The following HSDL2 variants were observed in gnomAD, a reference collection of about 807,000 sequenced individuals.
The protein encoded by HSDL2 is hydroxysteroid dehydrogenase like 2, also known as hydroxysteroid dehydrogenase-like protein 2.
A neutral mutation model predicts 46.3 loss-of-function variants in HSDL2; 27 were observed. The ratio of observed to expected loss-of-function variants is 0.58; its 90% confidence interval spans 0.43 to 0.80. The LOEUF (loss-of-function observed/expected upper bound fraction) is 0.80, where lower values mean the gene tolerates loss of function less well. Among genes scored for constraint, HSDL2 ranks in the 30% least tolerant of loss-of-function variants. The probability of loss-of-function intolerance (pLI) is 0.00; values close to 1 mark genes in which losing one functional copy is unlikely to be tolerated. For missense variants in HSDL2, 451 were observed against 502.7 expected (o/e 0.90, Z 0.98); for synonymous variants, 153 against 163.6 (o/e 0.94, Z 0.50).
chr9:112,405,894 C>A (rs1831715023), intron 3 of HSDL2, among the ~76,000 whole-genome samples, 172 bp downstream of exon 3: 1 of 152,158 alleles, frequency 6.6e-6, no homozygotes, highest in Non-Finnish European at 1.5e-5. Flanking sequence ...GGCGTGGTGG[C>A]TCACACCTGT....
intron 1 of HSDL2, among the ~76,000 whole-genome samples, chr9:112,387,029 C>A (rs902368597): frequency 1.3e-4 from 20 of 152,026 alleles, no homozygotes; most frequent in Admixed American, 1.3e-3. Flanking sequence ...TTTGATCAGG[C>A]CAACCATAAG....
At chr9:112,385,109 C>CTCA (rs1554707663) in intron 1 of HSDL2, among the ~76,000 whole-genome samples, 7 of 150,818 alleles carry the variant, frequency 4.6e-5, no homozygotes, top group Admixed American at 3.3e-4. Context: ...AAAAGAAAAA[C>CTCA]ACAACAACAA....
At chr9:112,422,296 T>C (rs1235236057) in intron 6 of HSDL2, among the ~76,000 whole-genome samples, 21 of 152,020 alleles carry the variant, frequency 1.4e-4, no homozygotes, top group Admixed American at 1.3e-3. Context: ...GAGGACCCAA[T>C]ATCCAGACAT....
chr9:112,402,040 C>G (rs1469296043), intron 1 of HSDL2, among the ~76,000 whole-genome samples: 1 of 152,004 alleles, frequency 6.6e-6, no homozygotes, highest in Non-Finnish European at 1.5e-5. Flanking sequence ...TTTTATGTTC[C>G]TTTATTAACA....
chr9:112,439,056 A>T (rs1044298809), intron 7 of HSDL2, among the ~76,000 whole-genome samples: 1 of 152,198 alleles, frequency 6.6e-6, no homozygotes, highest in Non-Finnish European at 1.5e-5. Context: ...GTTGGAGTGT[A>T]GTGGCGCAAT....
chr9:112,386,486 TA>T (rs1831219933), intron 1 of HSDL2, among the ~76,000 whole-genome samples: 1 of 151,934 alleles, frequency 6.6e-6, no homozygotes, highest in Admixed American at 6.6e-5. Flanking sequence ...AGTCAACAAA[TA>T]AAAATAATTT....
chr9:112,388,290 G>A (rs919003088), intron 1 of HSDL2, among the ~76,000 whole-genome samples: 8 of 151,872 alleles, frequency 5.3e-5, no homozygotes, highest in African/African-American at 1.4e-4. Flanking sequence ...GTGAAATCCC[G>A]TCTCTACTAA....
At chr9:112,448,027 T>C (rs1255427028) in intron 8 of HSDL2, among the ~76,000 whole-genome samples, 1 of 152,204 alleles carries the variant, frequency 6.6e-6, no homozygotes, top group Admixed American at 6.5e-5. Flanking sequence ...GCCCGCCACT[T>C]ATATTTATCA....
At chr9:112,459,964 T>C (rs373782397) in intron 10 of HSDL2, among the ~76,000 whole-genome samples, 6 of 152,196 alleles carry the variant, frequency 3.9e-5, no homozygotes, top group African/African-American at 1.4e-4. Flanking sequence ...TGTGCTTCCA[T>C]CTTGCCAGCT....
chr9:112,426,382 C>A (rs1284362129), intron 6 of HSDL2, among the ~76,000 whole-genome samples: 1 of 152,062 alleles, frequency 6.6e-6, no homozygotes, highest in African/African-American at 2.4e-5. Flanking sequence ...ACTTCAGGCG[C>A]CTTTCACTAT....
intron 1 of HSDL2, among the ~76,000 whole-genome samples, chr9:112,396,977 G>A (rs118106410): frequency 2.6e-3 from 395 of 152,266 alleles, no homozygotes; most frequent in Non-Finnish European, 4.0e-3. Context: ...CCCCGCTTCC[G>A]ATTTCCCTGG....
At chr9:112,451,923 A>G (rs915455374) in intron 8 of HSDL2, among the ~76,000 whole-genome samples, 1 of 152,166 alleles carries the variant, frequency 6.6e-6, no homozygotes, top group African/African-American at 2.4e-5. Context: ...TTCTTGACCT[A>G]GGTGGTGATG....
At chr9:112,437,204 C>G (rs1832546974) in intron 6 of HSDL2, among the ~76,000 whole-genome samples, 1 of 152,018 alleles carries the variant, frequency 6.6e-6, no homozygotes, top group Non-Finnish European at 1.5e-5. Flanking sequence ...AAGTGATCCA[C>G]CCACCTCGGC....
chr9:112,426,749 T>C (rs1222542482), intron 6 of HSDL2, among the ~76,000 whole-genome samples: 2 of 152,222 alleles, frequency 1.3e-5, no homozygotes, highest in Non-Finnish European at 2.9e-5. Context: ...GTATTGCACA[T>C]ATTCTTCTTA....
intron 6 of HSDL2, among the ~76,000 whole-genome samples, chr9:112,430,886 G>C (rs10817340): frequency 0.81 from 121,891 of 151,330 alleles, 49,433 homozygotes; most frequent in South Asian, 0.87. Flanking sequence ...AACCCCATCT[G>C]TACTAAAAAC....
In HSDL2 at chr9:112,471,976, G is replaced by C. The variant is rs1833588128; in HGVS notation, c.*1432G>C. On this transcript the variant is annotated 3_prime_UTR_variant, in exon 11 of 11. Coordinates refer to ENST00000398805, the MANE Select transcript of HSDL2 (RefSeq NM_032303.5). ...GAAGCAGAGGATCAGAGATGGGAAA[G>C]GACTAGCCCAAGGCCAACATTAACA... 6.6e-6 allele frequency: 1 copy of C among 152,164 alleles called. No homozygotes were observed. Among genetic ancestry groups the C allele is most frequent in the African/African-American group, 2.4e-5 (1 of 41,426 alleles). 9.4% of individuals were successfully genotyped at this position (152,164 alleles called of 1,614,324 possible).
chr9:112,460,810 GACCATAATATACATATGTATGATGCTAA>G (rs1833186680), intron 10 of HSDL2, among the ~76,000 whole-genome samples: 1 of 152,112 alleles, frequency 6.6e-6, no homozygotes, highest in African/African-American at 2.4e-5. Context: ...ACTGAAAGAT[GACCATAATATACATATGTATGATGCTAA>G]ACCATAACCA....
In HSDL2 at chr9:112,470,564, G is replaced by A; in HGVS notation, c.*20G>A. On this transcript the variant is annotated 3_prime_UTR_variant, in exon 11 of 11. Transcript: ENST00000398805. ...CTGTGAAGGAAAATATAAAAAAAAA[G>A]TCGACTGCTATGCTCAAAAAGTAAA... is the stretch of plus-strand genomic sequence containing the variant. The A allele has an allele frequency of 7.3e-7, 1 of 1,368,038 alleles. No homozygotes were observed. The highest frequency in any genetic ancestry group is 1.0e-6 in the Non-Finnish European group (1 of 976,614). The allele number at this position is 1,368,038 out of a possible 1,614,324, so 84.7% of individuals were successfully genotyped here.
chr9:112,423,681 C>A (rs756249227), intron 6 of HSDL2, among the ~76,000 whole-genome samples: 4 of 151,446 alleles, frequency 2.6e-5, no homozygotes, highest in Non-Finnish European at 5.9e-5. Context: ...CTAACCGTCT[C>A]GTTTTGAGGC....
Sources: allele counts gnomAD v4.1 joint callset (sites outside exome capture counted in the v4.1 genomes callset), GRCh38; gene constraint gnomAD v4.1.1; transcripts MANE v1.5; gene names NCBI Gene and HGNC (gene_info 2026-07-23, HGNC 2026-07-21).